The following THADA variants were observed in gnomAD, a reference collection of about 807,000 sequenced individuals.
The protein encoded by THADA is THADA armadillo repeat containing.
THADA carries 213 observed loss-of-function variants against 219.8 expected under a neutral mutation model. The observed-to-expected ratio is 0.97, with a 90% CI of 0.87 to 1.09. THADA has a LOEUF of 1.09. Among genes scored for constraint, THADA ranks in the 50% least tolerant of loss-of-function variants. The probability of loss-of-function intolerance (pLI) is 0.00; values close to 1 mark genes in which losing one functional copy is unlikely to be tolerated. For synonymous variants in THADA, 1,018 were observed against 828.9 expected (o/e 1.23, Z -3.92); for missense variants, 2,956 against 2,311.3 (o/e 1.28, Z -5.72).
chr2:43,577,043 A>G lies in THADA; in HGVS notation c.1016T>C (p.Val339Ala), dbSNP rs1345311648. The G allele has an allele frequency of 2.5e-6, 4 of 1,613,152 alleles. No homozygotes were observed. Among genetic ancestry groups the G allele is most frequent in the Non-Finnish European group, 3.4e-6 (4 of 1,179,578 alleles). Residue 339 changes from valine (V) to alanine (A), a missense_variant, in exon 10 of 38, where the codon GTT (valine) becomes GCT (alanine). Coordinates refer to ENST00000405975, the MANE Select transcript of THADA (RefSeq NM_022065.5). ...GEALLLDTAH[V>A]LFTLSSQIKE... Reference sequence around the variant, plus strand: ...TCACTGTGAACTCAAGGTGAACAAAACATGTGCAGTATCCAAGAGCAGGGC... The same window carrying G: ...TCACTGTGAACTCAAGGTGAACAAAGCATGTGCAGTATCCAAGAGCAGGGC...
At chr2:43,268,059 C>T (rs1048433022) in intron 36 of THADA, among the ~76,000 whole-genome samples, 2 of 152,180 alleles carry the variant, frequency 1.3e-5, no homozygotes, top group East Asian at 3.8e-4. Context: ...AGACAAGTTG[C>T]CGTCAAGGCC....
At chr2:43,548,727 C>T (rs1326407040) in intron 20 of THADA, among the ~76,000 whole-genome samples, 3 of 152,192 alleles carry the variant, frequency 2.0e-5, no homozygotes, top group Non-Finnish European at 4.4e-5. Context: ...CGGAAAAGTG[C>T]AGTATTAGGA....
intron 22 of THADA, among the ~76,000 whole-genome samples, chr2:43,516,510 T>C (rs996080650): frequency 6.6e-6 from 1 of 152,190 alleles, no homozygotes; most frequent in African/African-American, 2.4e-5. Flanking sequence ...CCTCCAGGTA[T>C]TTACATCGTG....
intron 30 of THADA, among the ~76,000 whole-genome samples, chr2:43,334,997 A>C (rs748767778): frequency 2.0e-5 from 3 of 152,144 alleles, no homozygotes; most frequent in African/African-American, 4.8e-5. Flanking sequence ...CAAGCCCTTG[A>C]GAATGAGGCA....
chr2:43,359,453 G>A (rs1169733443), intron 29 of THADA, among the ~76,000 whole-genome samples: 1 of 152,222 alleles, frequency 6.6e-6, no homozygotes, highest in African/African-American at 2.4e-5. Flanking sequence ...GCTGAGGCGG[G>A]CAGATCACTT....
intron 29 of THADA, among the ~76,000 whole-genome samples, chr2:43,377,541 T>C (rs1244839251): frequency 6.6e-6 from 1 of 152,210 alleles, no homozygotes; most frequent in East Asian, 1.9e-4. Flanking sequence ...CTGAGAGCAC[T>C]GTGCAAAGCT....
At chr2:43,264,067 C>G (rs1348728405) in intron 36 of THADA, among the ~76,000 whole-genome samples, 1 of 152,126 alleles carries the variant, frequency 6.6e-6, no homozygotes. Context: ...TCTAGGCAAA[C>G]CTACCCTTAC....
chr2:43,545,787 G>C (rs929412545), intron 20 of THADA, among the ~76,000 whole-genome samples: 6 of 152,010 alleles, frequency 3.9e-5, no homozygotes, highest in African/African-American at 1.4e-4. Context: ...AGTCTTGCTA[G>C]TGGTCTATCA....
chr2:43,510,046 C>T (rs1690204137), intron 22 of THADA, among the ~76,000 whole-genome samples: 1 of 152,048 alleles, frequency 6.6e-6, no homozygotes, highest in Non-Finnish European at 1.5e-5. Flanking sequence ...TTGATTTGAA[C>T]AATGAAATGT....
intron 23 of THADA, among the ~76,000 whole-genome samples, chr2:43,506,558 G>C (rs59470270): frequency 0.21 from 32,411 of 152,102 alleles, 3,595 homozygotes; most frequent in South Asian, 0.28. Context: ...ATTAGTGATT[G>C]CCTAGGGCTG....
chr2:43,399,938 G>A (rs1412777020), intron 28 of THADA, among the ~76,000 whole-genome samples: 1 of 152,124 alleles, frequency 6.6e-6, no homozygotes, highest in African/African-American at 2.4e-5. Context: ...ATTAGCAAAT[G>A]ACCTCACTTA....
chr2:43,471,442 G>A (rs904915816), intron 26 of THADA, among the ~76,000 whole-genome samples: 7 of 152,106 alleles, frequency 4.6e-5, no homozygotes, highest in Non-Finnish European at 1.0e-4. Context: ...GAGGTGGGAG[G>A]ATCACTTGAG....
chr2:43,391,659 G>A (rs1242751213), intron 29 of THADA: 2 of 151,868 alleles, frequency 1.3e-5, no homozygotes, highest in Non-Finnish European at 2.9e-5. Flanking sequence ...GGCACACATA[G>A]AAAGTAATCT....
intron 36 of THADA, among the ~76,000 whole-genome samples, chr2:43,234,829 T>C (rs1667843634): frequency 6.6e-6 from 1 of 152,098 alleles, no homozygotes; most frequent in Admixed American, 6.5e-5. Flanking sequence ...ATTTTGTTTT[T>C]GCCCAGCTAA....
At chr2:43,273,456 C>T (rs557053523) in intron 36 of THADA, among the ~76,000 whole-genome samples, 1 of 152,196 alleles carries the variant, frequency 6.6e-6, no homozygotes, top group East Asian at 1.9e-4. Context: ...AGTCTGGGGC[C>T]AGGCTCTGGC....
Position 43,574,317 on chromosome 2 carries a change from A to G in THADA, c.1729+19T>C. On this transcript the variant is annotated intron_variant, in intron 11 of 37. Transcript: ENST00000405975. ...CATCATAATTAGAAACTACTAAAAC[A>G]AAAATGCATTTTTCTTACCAGTTTT... 1.3e-6 allele frequency: 2 copies of G among 1,497,416 alleles called. No homozygotes were observed. The highest frequency in any genetic ancestry group is 1.8e-6 in the Non-Finnish European group (2 of 1,124,162). The allele number at this position is 1,497,416 out of a possible 1,614,324, so 92.8% of individuals were successfully genotyped here.
chr2:43,420,204 T>C lies in THADA; in HGVS notation c.4058+7896A>G, dbSNP rs184658281. Among the ~76,000 whole-genome samples the C allele has an allele frequency of 6.7e-4, 102 of 152,380 alleles. 1 individual carries two copies. The highest frequency in any genetic ancestry group is 6.7e-3 in the Admixed American group (102 of 15,308). ...AGCCTCCCGGACTTCTCCAACCCACTGATGCTCTTCCCCTTCTTTGTAGGC... is the reference window on the plus strand; with the variant it reads ...AGCCTCCCGGACTTCTCCAACCCACCGATGCTCTTCCCCTTCTTTGTAGGC... On this transcript the variant is annotated intron_variant, in intron 28 of 37. Transcript: ENST00000405975.
At chr2:43,324,025 A>G (rs750535310) in intron 30 of THADA, among the ~76,000 whole-genome samples, 4 of 152,132 alleles carry the variant, frequency 2.6e-5, no homozygotes, top group Non-Finnish European at 4.4e-5. Flanking sequence ...TAGTGTAATA[A>G]TTGACTGCCT....
intron 30 of THADA, among the ~76,000 whole-genome samples, chr2:43,326,330 G>C (rs1477380253): frequency 1.3e-5 from 2 of 152,160 alleles, no homozygotes; most frequent in South Asian, 2.1e-4. Flanking sequence ...AGAATGGGGA[G>C]GAGGTAGACC....
Sources: allele counts gnomAD v4.1 joint callset (sites outside exome capture counted in the v4.1 genomes callset), GRCh38; gene constraint gnomAD v4.1.1; transcripts MANE v1.5; gene names NCBI Gene and HGNC (gene_info 2026-07-23, HGNC 2026-07-21).